The following CACNA1C variants were observed in gnomAD, a reference collection of about 807,000 sequenced individuals.
CACNA1C encodes voltage-dependent L-type calcium channel subunit alpha-1C.
Under a neutral mutation model 229.0 loss-of-function variants are expected in CACNA1C, and 30 were observed. The ratio of observed to expected loss-of-function variants is 0.13; its 90% CI spans 0.10 to 0.18. CACNA1C has a LOEUF of 0.18. Ranked by LOEUF, CACNA1C falls within the 10% of genes least tolerant of loss-of-function variation. The pLI is 1.00. For synonymous variants in CACNA1C, 1,114 were observed against 1,132.5 expected (o/e 0.98, Z 0.33); for missense variants, 1,658 against 2,845.0 (o/e 0.58, Z 9.49).
At position 1,994,323 on chromosome 12, in the gene CACNA1C, T is replaced by C. The variant is rs190908006; in HGVS notation, c.139+23122T>C. Among the ~76,000 whole-genome samples the C allele has an allele frequency of 5.9e-5, 9 of 152,368 alleles. No homozygotes were observed. The East Asian group carries it at 1.7e-3, about 29-fold the overall frequency. On this transcript the variant is annotated intron_variant, in intron 1 of 46. Transcript: ENST00000682462. Reference sequence around the variant, plus strand: ...TATTAACAAACCCACAGAAATGTTATGAGCAACAGGAAGACAAGTTGTTTA... The same window carrying C: ...TATTAACAAACCCACAGAAATGTTACGAGCAACAGGAAGACAAGTTGTTTA...
chr12:2,659,192 A>G (rs536194396), intron 34 of CACNA1C, among the ~76,000 whole-genome samples: 6 of 152,238 alleles, frequency 3.9e-5, no homozygotes, highest in Non-Finnish European at 8.8e-5. Context: ...CAGTCCTGCA[A>G]GCTCCACTCA....
chr12:2,429,895 A>T (rs533321243), intron 3 of CACNA1C, among the ~76,000 whole-genome samples: 23 of 152,348 alleles, frequency 1.5e-4, no homozygotes, highest in African/African-American at 5.5e-4. Flanking sequence ...GGCTGTGCAT[A>T]CAAAGACCAG....
chr12:1,974,056 C>G (rs994519396), intron 1 of CACNA1C, among the ~76,000 whole-genome samples: 1 of 152,186 alleles, frequency 6.6e-6, no homozygotes, highest in Non-Finnish European at 1.5e-5. Context: ...CTCCACTAGA[C>G]TATAAGCTCC....
intron 1 of CACNA1C, among the ~76,000 whole-genome samples, chr12:1,989,774 T>G (rs1426115566): frequency 6.6e-6 from 1 of 152,216 alleles, no homozygotes; most frequent in Non-Finnish European, 1.5e-5. Context: ...ACTTAAGTAT[T>G]ATATTTGGGA....
In CACNA1C at chr12:2,336,686, G is replaced by A. The variant is rs2096706793; in HGVS notation, c.478-112290G>A. Among the ~76,000 whole-genome samples the A allele has an allele frequency of 2.6e-5, 4 of 152,286 alleles. No homozygotes were observed. In the South Asian group the frequency reaches 8.3e-4, roughly 32 times the overall value. On this transcript the variant is annotated intron_variant, in intron 3 of 46. Coordinates refer to ENST00000399655, the MANE Select transcript of CACNA1C (RefSeq NM_000719.7). ...CGAAAATTCTCAGCTCACACCCAGG[G>A]AAGAGCTGGTGCTGCTAGCTGGGAA...
At chr12:2,321,094 C>T (rs935687100) in intron 3 of CACNA1C, among the ~76,000 whole-genome samples, 1 of 152,242 alleles carries the variant, frequency 6.6e-6, no homozygotes, top group Admixed American at 6.5e-5. Context: ...GGCACAGCCT[C>T]TTCAGCCAAC....
At chr12:2,126,675 C>A (rs1014304408) in intron 3 of CACNA1C, among the ~76,000 whole-genome samples, 2 of 152,138 alleles carry the variant, frequency 1.3e-5, no homozygotes, top group Non-Finnish European at 2.9e-5. Context: ...GAGGAGAAGC[C>A]GTCCGTCAGA....
chr12:1,974,445 G>C lies in CACNA1C; in HGVS notation c.139+3244G>C, dbSNP rs150275978. 2.9e-3 allele frequency among the ~76,000 whole-genome samples: 448 copies of C among 152,172 alleles called. 4 individuals are homozygous for C. The highest frequency in any genetic ancestry group is 0.011 in the African/African-American group (439 of 41,534). The stretch of plus-strand genomic sequence containing the variant: ...TGAGCTCCCGAAGACTGTATATTTC[G>C]ATTGATCCAGCACTATGTAGACACT... On this transcript the variant is annotated intron_variant, in intron 1 of 46. Transcript: ENST00000682462.
chr12:2,039,165 C>T (rs963802801), intron 1 of CACNA1C, among the ~76,000 whole-genome samples: 2 of 152,196 alleles, frequency 1.3e-5, no homozygotes, highest in African/African-American at 4.8e-5. Context: ...GAGTTCCAAT[C>T]CCCTGGTAGA....
intron 3 of CACNA1C, among the ~76,000 whole-genome samples, chr12:2,326,906 A>G (rs1334197581): frequency 6.6e-6 from 1 of 152,254 alleles, no homozygotes; most frequent in Non-Finnish European, 1.5e-5. Context: ...AAAAATAGGC[A>G]GGGCCAAACT....
At chr12:2,192,773 C>T (rs12308430) in intron 3 of CACNA1C, among the ~76,000 whole-genome samples, 6,120 of 151,648 alleles carry the variant, frequency 0.04, 413 homozygotes, top group African/African-American at 0.14. Context: ...TCCCCCTCCT[C>T]CACAGAGCCC....
intron 9 of CACNA1C, among the ~76,000 whole-genome samples, chr12:2,514,216 G>C (rs536628065): frequency 1.2e-4 from 18 of 152,326 alleles, no homozygotes; most frequent in African/African-American, 3.8e-4. Context: ...AGAAACAGGT[G>C]CAGGAAGAAA....
At chr12:2,139,194 C>A (rs1280085878) in intron 3 of CACNA1C, among the ~76,000 whole-genome samples, 1 of 150,872 alleles carries the variant, frequency 6.6e-6, no homozygotes, top group Non-Finnish European at 1.5e-5. Context: ...TCCAGTGTTG[C>A]CAGCAGCGCC....
intron 1 of CACNA1C, among the ~76,000 whole-genome samples, chr12:2,080,605 A>AAAAAACC (rs1555138766): frequency 5.4e-5 from 8 of 147,654 alleles, no homozygotes; most frequent in African/African-American, 1.5e-4. Flanking sequence ...TGTCTCAAAA[A>AAAAAACC]AAAAAACAAA....
chr12:2,002,754 T>C (rs948033537), intron 1 of CACNA1C, among the ~76,000 whole-genome samples: 11 of 152,192 alleles, frequency 7.2e-5, no homozygotes, highest in African/African-American at 2.4e-4. Flanking sequence ...TTTTACAGGA[T>C]TATAACATTA....
rs1283722644 is a variant in CACNA1C at position 2,679,788 on chromosome 12, C to T, written c.5436C>T (p.Ser1812=). 4 of 1,561,668 alleles carry T rather than the reference C, an allele frequency of 2.6e-6. No individual in the cohort carries two copies. The African/African-American group carries it at 5.4e-5, about 21-fold the overall frequency. ...TGCAGGAGGTGGCGTGGAAGCTCAG[C>T]TCCAACAGGTAAGTGGGAGGCTGGC... ...IRVQEVAWKL[S]SNRCHSRESQ... Residue 1812 remains serine, a synonymous_variant, in exon 42 of 47, where the codon AGC becomes AGT. Transcript: ENST00000399655. The surrounding 1 kb of genome is among the most constrained non-coding windows in gnomAD (Gnocchi z 5.5).
At chr12:2,583,009 G>A (rs111479092) in intron 15 of CACNA1C, 67 bp downstream of exon 15, 14 of 1,222,310 alleles carry the variant, frequency 1.1e-5, no homozygotes, top group Non-Finnish European at 1.6e-5. Context: ...AGTGCCAAAC[G>A]GGCACGCCCC....
chr12:2,104,205 A>G (rs1233920068), intron 1 of CACNA1C, among the ~76,000 whole-genome samples: 1 of 152,204 alleles, frequency 6.6e-6, no homozygotes, highest in Non-Finnish European at 1.5e-5. Flanking sequence ...CCTATCTATG[A>G]GCATGGAATG....
intron 1 of CACNA1C, among the ~76,000 whole-genome samples, chr12:2,114,825 A>C (rs2083194661): frequency 6.6e-6 from 1 of 152,176 alleles, no homozygotes; most frequent in South Asian, 2.1e-4. Flanking sequence ...CACCTTCCTT[A>C]AACAATCATT....
Sources: gnomAD v4.1 joint callset for allele counts (sites outside exome capture counted in the v4.1 genomes callset) on GRCh38, gnomAD v4.1.1 for gene constraint, Gnocchi (gnomAD v3.1) non-coding constraint, MANE v1.5 for transcripts, NCBI Gene and HGNC (gene_info 2026-07-23, HGNC 2026-07-21) for gene names.